Variants in MYO16 observed in about 807,000 individuals in gnomAD.
MYO16 encodes unconventional myosin-XVI.
In MYO16, 94 loss-of-function variants were observed where a neutral mutation model predicts 205.3. The observed-to-expected ratio is 0.46, with a 90% CI of 0.39 to 0.54. The LOEUF (loss-of-function observed/expected upper bound fraction) is 0.54. MYO16 is among the 20% of genes least tolerant of loss of function. The probability of loss-of-function intolerance (pLI) is 0.00; values close to 1 mark genes in which losing one functional copy is unlikely to be tolerated. For missense variants in MYO16, 2,315 were observed against 2,387.5 expected, an observed-to-expected ratio of 0.97 and a Z score of 0.63; for synonymous variants, 988 against 954.0, an observed-to-expected ratio of 1.04 and a Z score of -0.66.
chr13:109,093,562 C>T (rs1226108242), intron 27 of MYO16, among the ~76,000 whole-genome samples: 1 of 152,066 alleles, frequency 6.6e-6, no homozygotes, highest in Non-Finnish European at 1.5e-5. Context: ...TAGCATTAGT[C>T]TGGGGAATAA....
At chr13:108,940,535 C>G (rs1474387998) in intron 16 of MYO16, among the ~76,000 whole-genome samples, 1 of 152,156 alleles carries the variant, frequency 6.6e-6, no homozygotes, top group African/African-American at 2.4e-5. Context: ...CTTGGGAATT[C>G]TTCAAACATT....
intron 16 of MYO16, among the ~76,000 whole-genome samples, chr13:108,938,969 C>G (rs6492157): frequency 1 from 152,286 of 152,326 alleles, 76,123 homozygotes; most frequent in Non-Finnish European, 1. Flanking sequence ...AGAAACTTCA[C>G]CTGTAGCAGC....
chr13:108,702,028 A>G (rs372835171), intron 2 of MYO16, among the ~76,000 whole-genome samples: 4 of 151,406 alleles, frequency 2.6e-5, no homozygotes, highest in African/African-American at 7.3e-5. Context: ...GAAAAAAAAA[A>G]TGAAGAAAAA....
chr13:108,871,388 G>C (rs1465818429), intron 12 of MYO16, among the ~76,000 whole-genome samples: 1 of 144,874 alleles, frequency 6.9e-6, no homozygotes, highest in Non-Finnish European at 1.5e-5. Context: ...TACATATATG[G>C]ATATATTTAC....
chr13:108,849,392 C>T (rs1032064117), intron 10 of MYO16, among the ~76,000 whole-genome samples: 1 of 151,950 alleles, frequency 6.6e-6, no homozygotes. Context: ...GGTTTCACCA[C>T]GTTAGTCAGG....
At chr13:108,838,928 G>C (rs74530736) in intron 9 of MYO16, among the ~76,000 whole-genome samples, 1 of 151,938 alleles carries the variant, frequency 6.6e-6, no homozygotes, top group East Asian at 1.9e-4. Flanking sequence ...AAGGAAGAAG[G>C]TCTCTTTGGA....
intron 28 of MYO16, among the ~76,000 whole-genome samples, chr13:109,108,588 G>A (rs552497386): frequency 6.6e-6 from 1 of 152,246 alleles, no homozygotes; most frequent in South Asian, 2.1e-4. Context: ...CCCCAAATTA[G>A]GCAAGGCAAT....
chr13:108,948,319 C>T (rs575048806), intron 16 of MYO16, among the ~76,000 whole-genome samples: 25 of 152,330 alleles, frequency 1.6e-4, no homozygotes, highest in African/African-American at 5.1e-4. Flanking sequence ...CCTTTGTATT[C>T]GCACAGCAGA....
intron 2 of MYO16, among the ~76,000 whole-genome samples, chr13:108,693,222 T>G (rs1276115786): frequency 2.0e-5 from 3 of 152,202 alleles, no homozygotes; most frequent in African/African-American, 7.2e-5. Flanking sequence ...CTCTTTATGG[T>G]GGTAAAAGAC....
chr13:108,743,148 G>T (rs1884960366), intron 4 of MYO16, among the ~76,000 whole-genome samples: 1 of 152,106 alleles, frequency 6.6e-6, no homozygotes, highest in South Asian at 2.1e-4. Flanking sequence ...CTTTAAAGGG[G>T]TATTAATTTC....
intron 27 of MYO16, among the ~76,000 whole-genome samples, chr13:109,095,077 A>G (rs1888737312): frequency 6.6e-6 from 1 of 152,218 alleles, no homozygotes; most frequent in South Asian, 2.1e-4. Flanking sequence ...GTGAACCACA[A>G]ACCCTGATTC....
chr13:108,901,114 G>A (rs553238887), intron 15 of MYO16, among the ~76,000 whole-genome samples: 1 of 152,242 alleles, frequency 6.6e-6, no homozygotes, highest in South Asian at 2.1e-4. Context: ...CCTGTTTCCT[G>A]ATAAGATGTT....
At chr13:108,696,302 A>G (rs1883087734) in intron 2 of MYO16, among the ~76,000 whole-genome samples, 1 of 152,224 alleles carries the variant, frequency 6.6e-6, no homozygotes, top group South Asian at 2.1e-4. Context: ...TAGCAGCTTT[A>G]TTTAGAATAG....
chr13:109,165,992 C>T (rs1878642379), intron 33 of MYO16, among the ~76,000 whole-genome samples: 1 of 152,168 alleles, frequency 6.6e-6, no homozygotes, highest in African/African-American at 2.4e-5. Flanking sequence ...TGTACATTTT[C>T]CCCAAAGGGC....
At chr13:108,496,310 G>C in the MYO16 span, among the ~76,000 whole-genome samples, 1 of 152,244 alleles carries the variant, frequency 6.6e-6, no homozygotes, top group Non-Finnish European at 1.5e-5. Flanking sequence ...GGGGAGATGG[G>C]GGAAGCGGCG....
the MYO16 span, among the ~76,000 whole-genome samples, chr13:108,498,700 A>G: frequency 6.6e-6 from 1 of 152,286 alleles, no homozygotes; most frequent in African/African-American, 2.4e-5. Flanking sequence ...AAAGCAGATG[A>G]TTTTCACCTG....
At chr13:109,121,434 C>T (rs929372114) in intron 29 of MYO16, among the ~76,000 whole-genome samples, 2 of 152,186 alleles carry the variant, frequency 1.3e-5, no homozygotes, top group African/African-American at 4.8e-5. Flanking sequence ...CAACAGCTCT[C>T]CACATATTCA....
chr13:108,768,240 T>C (rs1187563686), intron 4 of MYO16, among the ~76,000 whole-genome samples: 1 of 152,182 alleles, frequency 6.6e-6, no homozygotes, highest in Non-Finnish European at 1.5e-5. Flanking sequence ...GTGTTCCTAT[T>C]ACTCAGCTCT....
At chr13:108,699,086 C>G (rs1392743809) in intron 2 of MYO16, among the ~76,000 whole-genome samples, 1 of 140,424 alleles carries the variant, frequency 7.1e-6, no homozygotes, top group African/African-American at 2.6e-5. Flanking sequence ...GTCTCTCTCT[C>G]TCTCTCTCTC....
Sources: allele counts gnomAD v4.1 joint callset (sites outside exome capture counted in the v4.1 genomes callset), GRCh38; gene constraint gnomAD v4.1.1; transcripts MANE v1.5; gene names NCBI Gene and HGNC (gene_info 2026-07-23, HGNC 2026-07-21).